SEZ6: variants seen among roughly 807,000 people sequenced by gnomAD.
The protein encoded by SEZ6 is seizure protein 6 homolog.
Under a neutral mutation model 101.0 loss-of-function variants are expected in SEZ6, and 53 were observed. The ratio of observed to expected loss-of-function variants is 0.52; its 90% CI spans 0.42 to 0.66. The LOEUF (loss-of-function observed/expected upper bound fraction) is 0.66. Among genes scored for constraint, SEZ6 ranks in the 30% least tolerant of loss-of-function variants. The pLI is 0.00. For synonymous variants in SEZ6, 488 were observed against 512.2 expected (o/e 0.95, Z 0.64); for missense variants, 1,102 against 1,289.4 (o/e 0.85, Z 2.23).
chr17:28,957,712 AT>A, intron 11 of SEZ6, 173 bp from the exon 12 acceptor site: 1 of 869,888 alleles, frequency 1.1e-6, no homozygotes, highest in Non-Finnish European at 1.7e-6. Flanking sequence ...CTTCCCATCT[AT>A]TAGGTTCGAT....
chr17:28,978,567 T>C (rs564159990), intron 3 of SEZ6, among the ~76,000 whole-genome samples: 1 of 152,216 alleles, frequency 6.6e-6, no homozygotes, highest in African/African-American at 2.4e-5. Context: ...GACCAGCATG[T>C]GCAGCTGGGA....
At chr17:28,978,663 G>A (rs59561495) in intron 3 of SEZ6, among the ~76,000 whole-genome samples, 18,585 of 152,272 alleles carry the variant, frequency 0.12, 1,143 homozygotes, top group Middle Eastern at 0.14. Context: ...GAAGTGTCTA[G>A]GGGTGGACCC....
intron 4 of SEZ6, among the ~76,000 whole-genome samples, chr17:28,966,066 C>G (rs941538821): frequency 1.3e-4 from 19 of 144,166 alleles, no homozygotes. Flanking sequence ...TCGCTTGGAC[C>G]GGGGAGATGG....
At chr17:28,992,510 G>C (rs2041476482) in intron 1 of SEZ6, among the ~76,000 whole-genome samples, 1 of 152,142 alleles carries the variant, frequency 6.6e-6, no homozygotes, top group African/African-American at 2.4e-5. Context: ...CTGGGACCTG[G>C]CTTCAAGCAG....
At position 28,960,918 on chromosome 17, in the gene SEZ6, G is replaced by A; in HGVS notation, c.1296C>T (p.Gly432=). 1 of 1,613,922 alleles carries A rather than the reference G, an allele frequency of 6.2e-7. No homozygotes were observed. Among genetic ancestry groups the A allele is most frequent in the Non-Finnish European group, 8.5e-7 (1 of 1,179,842 alleles). The change falls in exon 6 of 17, where the codon GGC becomes GGT. Residue 432 remains glycine, a synonymous_variant. Coordinates refer to ENST00000317338, the MANE Select transcript of SEZ6 (RefSeq NM_178860.5). ...GGTTGTTGCTGTAGTTGCCCGGGAA[G>A]CCTGGAGAGACGATGCGGCCGGTGG... ...NATTGRIVSP[G]FPGNYSNNLT...
intron 1 of SEZ6, among the ~76,000 whole-genome samples, chr17:29,002,674 G>T (rs2041630796): frequency 6.6e-6 from 1 of 152,112 alleles, no homozygotes; most frequent in African/African-American, 2.4e-5. Context: ...TGATCCCGAA[G>T]TGCCAGGCTG....
intron 1 of SEZ6, among the ~76,000 whole-genome samples, chr17:28,982,355 C>A (rs1180307168): frequency 6.6e-6 from 1 of 152,302 alleles, no homozygotes. Context: ...CGAGGTCACA[C>A]CTGACACCTC....
intron 1 of SEZ6, among the ~76,000 whole-genome samples, chr17:28,994,669 A>G (rs139224020): frequency 0.012 from 1,832 of 151,866 alleles, 35 homozygotes; most frequent in African/African-American, 0.042. Context: ...TCGGCCTCCC[A>G]AAGTGCTGGG....
chr17:28,970,664 C>A (rs746888677), intron 3 of SEZ6, among the ~76,000 whole-genome samples: 2 of 152,226 alleles, frequency 1.3e-5, no homozygotes, highest in Non-Finnish European at 2.9e-5. Context: ...TCCTGGCCAG[C>A]CTTCCTGCCT....
chr17:28,971,078 G>T (rs2041144975), intron 3 of SEZ6, among the ~76,000 whole-genome samples: 1 of 152,208 alleles, frequency 6.6e-6, no homozygotes, highest in Admixed American at 6.5e-5. Context: ...GACGGACTCT[G>T]CCCAGAGGGA....
intron 1 of SEZ6, among the ~76,000 whole-genome samples, chr17:28,986,717 AGC>A (rs2041389582): frequency 6.6e-6 from 1 of 152,234 alleles, no homozygotes; most frequent in Admixed American, 6.5e-5. Flanking sequence ...TCAGCCAGAA[AGC>A]CTTGGGTTCC....
rs896990110 is a variant in SEZ6, at chr17:28,979,893, G to A, written c.725-80C>T. On this transcript the variant is annotated intron_variant, in intron 2 of 16. Transcript: ENST00000317338. ...CTAAGGCTGAACCGTGTGTGTGTGTGTGTGTGTGTGTGTGTGTGTGTGTGT... is the reference window on the plus strand; with the variant it reads ...CTAAGGCTGAACCGTGTGTGTGTGTATGTGTGTGTGTGTGTGTGTGTGTGT... 3.0e-4 allele frequency: 355 copies of A among 1,168,392 alleles called. 1 individual carries two copies. The African/African-American group carries it at 5.9e-3, about 19-fold the overall frequency. The allele number at this position is 1,168,392 out of a possible 1,614,324, so 72.4% of individuals were successfully genotyped here.
In SEZ6 at chr17:28,981,822, T is replaced by C. The variant is rs1275682164; in HGVS notation, c.273A>G (p.Ala91=). ...LEKGDEELRP[A]LPFQPDPPAP... is the part of the protein sequence containing the mutation. Reference sequence around the variant, plus strand: ...CAGGTGGGTCAGGCTGGAAGGGCAGTGCTGGCCTCAGCTCCTCATCTCCCT... The same window carrying C: ...CAGGTGGGTCAGGCTGGAAGGGCAGCGCTGGCCTCAGCTCCTCATCTCCCT... Residue 91 remains alanine (A), a synonymous_variant, in exon 2 of 17, where the codon GCA becomes GCG. Transcript: ENST00000317338. 6.2e-7 allele frequency: 1 copy of C among 1,613,880 alleles called. No homozygotes were observed. Among genetic ancestry groups the C allele is most frequent in the Non-Finnish European group, 8.5e-7 (1 of 1,179,844 alleles).
intron 1 of SEZ6, among the ~76,000 whole-genome samples, chr17:28,986,333 G>C (rs1244379366): frequency 6.6e-6 from 1 of 152,176 alleles, no homozygotes; most frequent in Non-Finnish European, 1.5e-5. Flanking sequence ...TGGGAGGACC[G>C]CTTACCCCGC....
intron 7 of SEZ6, chr17:28,960,260 G>A: frequency 3.3e-6 from 2 of 606,386 alleles, no homozygotes; most frequent in South Asian, 2.0e-5. Flanking sequence ...TTCAAAATCT[G>A]GAGAATTTAT....
In SEZ6 at chr17:28,998,108, G is replaced by A. The variant is rs151169761; in HGVS notation, c.55+7707C>T. ...AGGGAGGGAAGGAGAGAGGAAGGGA[G>A]GGAAGGAGAAGCTATGGGGAGGGAG... On this transcript the variant is annotated intron_variant, in intron 1 of 16. Coordinates refer to ENST00000317338, the MANE Select transcript of SEZ6 (RefSeq NM_178860.5). Among the ~76,000 whole-genome samples, 469 of 152,136 alleles carry A rather than the reference G, an allele frequency of 3.1e-3. 3 individuals carry two copies. Among genetic ancestry groups the A allele is most frequent in the Middle Eastern group, 0.031 (9 of 294 alleles).
intron 5 of SEZ6, among the ~76,000 whole-genome samples, chr17:28,961,915 C>T (rs1270077421): frequency 6.6e-6 from 1 of 152,152 alleles, no homozygotes; most frequent in Non-Finnish European, 1.5e-5. Context: ...TAGTAAAGCT[C>T]CTGGGGGGCT....
chr17:29,005,600 C>A lies in SEZ6; in HGVS notation c.55+215G>T, dbSNP rs1176834738. ...CTGGGGAGATGATTAAAGACGAGGT[C>A]TCGGCCGGGCGCGAATGGCGGGAGC... On this transcript the variant is annotated intron_variant, in intron 1 of 16. Coordinates refer to ENST00000317338, the MANE Select transcript of SEZ6 (RefSeq NM_178860.5). The surrounding 1 kb of genome is among the most constrained non-coding windows in gnomAD (Gnocchi z 4.8). Among the ~76,000 whole-genome samples the A allele has an allele frequency of 6.6e-6, 1 of 151,836 alleles. No homozygotes were observed. Among genetic ancestry groups the A allele is most frequent in the African/African-American group, 2.4e-5 (1 of 41,414 alleles).
rs201821795 is a variant in SEZ6 at position 28,959,735 on chromosome 17, G to A, written c.1734C>T (p.His578=). ...GSIIIECVDP[H]DPQWNETEPA... is the part of the protein sequence containing the mutation. Reference sequence around the variant, plus strand: ...GCTCTGTCTCATTCCACTGGGGGTCGTGGGGGTCAACACACTCGATGATGA... The same window carrying A: ...GCTCTGTCTCATTCCACTGGGGGTCATGGGGGTCAACACACTCGATGATGA... The change falls in exon 8 of 17, where the codon CAC becomes CAT. Residue 578 remains histidine (H), a synonymous_variant. Coordinates refer to ENST00000317338, the MANE Select transcript of SEZ6 (RefSeq NM_178860.5). This position sits in a 1 kb window ranked among gnomAD's most constrained non-coding sequence, Gnocchi z 4.4. 1.4e-5 allele frequency: 23 copies of A among 1,608,150 alleles called. No homozygotes were observed. The Admixed American group carries it at 1.5e-4, about 11-fold the overall frequency.
Sources: allele counts gnomAD v4.1 joint callset (sites outside exome capture counted in the v4.1 genomes callset), GRCh38; gene constraint gnomAD v4.1.1; non-coding constraint Gnocchi (gnomAD v3.1); transcripts MANE v1.5; gene names NCBI Gene and HGNC (gene_info 2026-07-23, HGNC 2026-07-21).